Variants in RBFOX1 observed in about 807,000 individuals in gnomAD.
RBFOX1 encodes the protein RNA binding fox-1 homolog 1, also known as RNA binding protein fox-1 homolog 1.
In RBFOX1, 8 loss-of-function variants were observed where a neutral mutation model predicts 57.7. The ratio of observed to expected loss-of-function variants is 0.14; its 90% CI spans 0.08 to 0.25. The LOEUF is 0.25. RBFOX1 is among the 10% of genes least tolerant of loss of function. RBFOX1 has a pLI of 1.00. For missense variants in RBFOX1, 611 were observed against 548.5 expected (o/e 1.11, Z -1.14); for synonymous variants, 326 against 222.4 (o/e 1.47, Z -4.15).
Position 6,932,696 on chromosome 16 carries a change from T to A in RBFOX1, c.-15-119361T>A, listed in dbSNP as rs146061471. Among the ~76,000 whole-genome samples the A allele has an allele frequency of 4.7e-3, 713 of 152,298 alleles. 8 individuals are homozygous for A. The highest frequency in any genetic ancestry group is 0.017 in the African/African-American group (691 of 41,560). ...AAGTGCTCAAACACATGTCTCTACT[T>A]TCACTAATCTCTTTCTGTTAAATTT... is the stretch of plus-strand genomic sequence containing the variant. On this transcript the variant is annotated intron_variant, in intron 3 of 15. Transcript: ENST00000550418.
Position 5,946,566 on chromosome 16 carries a change from T to C in RBFOX1, c.351+79231T>C, listed in dbSNP as rs983333710. The stretch of plus-strand genomic sequence containing the variant: ...CACTCTATGCATATTTTTTTCCAAC[T>C]GGGTGTTCCTGAGTTATATCCTTTA... On this transcript the variant is annotated intron_variant, in intron 4 of 19. Coordinates refer to the RBFOX1 transcript ENST00000641259. The surrounding 1 kb of genome is among the most constrained non-coding windows in gnomAD (Gnocchi z 4.6). Among the ~76,000 whole-genome samples the C allele has an allele frequency of 6.6e-6, 1 of 152,130 alleles. No individual in the cohort carries two copies. Among genetic ancestry groups the C allele is most frequent in the Non-Finnish European group, 1.5e-5 (1 of 68,014 alleles).
chr16:6,679,709 C>G (rs2058324850), intron 3 of RBFOX1, among the ~76,000 whole-genome samples: 2 of 152,174 alleles, frequency 1.3e-5, no homozygotes, highest in East Asian at 1.9e-4. Flanking sequence ...TACAAGAGTA[C>G]TTGAGTGAGT....
At chr16:6,392,722 A>G (rs913003368) in intron 2 of RBFOX1, among the ~76,000 whole-genome samples, 1 of 152,210 alleles carries the variant, frequency 6.6e-6, no homozygotes, top group African/African-American at 2.4e-5. Flanking sequence ...CCAGATTGGG[A>G]CCTTGAGAAC....
Position 6,674,588 on chromosome 16 carries a change from T to C in RBFOX1, c.-16+19938T>C, listed in dbSNP as rs142627774. On this transcript the variant is annotated intron_variant, in intron 3 of 15. Coordinates refer to ENST00000550418, the MANE Select transcript of RBFOX1 (RefSeq NM_018723.4). ...CCACCCACCTCAGCCTCCCAAAGTG[T>C]TGGAATTACAGGCGTGAGCCACCGT... 5.3e-5 allele frequency among the ~76,000 whole-genome samples: 8 copies of C among 151,908 alleles called. No individual in the cohort carries two copies. In the East Asian group the frequency reaches 1.6e-3, roughly 30 times the overall value.
chr16:6,112,691 C>G (rs1375814350), intron 1 of RBFOX1, among the ~76,000 whole-genome samples: 1 of 151,960 alleles, frequency 6.6e-6, no homozygotes, highest in Non-Finnish European at 1.5e-5. Context: ...AACTCCGTCT[C>G]AAAAAAACAC....
intron 3 of RBFOX1, among the ~76,000 whole-genome samples, chr16:6,749,461 G>A (rs1209689565): frequency 1.3e-5 from 2 of 152,120 alleles, no homozygotes; most frequent in Non-Finnish European, 2.9e-5. Flanking sequence ...ATAACCGTCC[G>A]GGGAGGTAGG....
At position 5,962,447 on chromosome 16, in the gene RBFOX1, G is replaced by T. The variant is rs960297359; in HGVS notation, c.351+95112G>T. Among the ~76,000 whole-genome samples, 5 of 152,250 alleles carry T rather than the reference G, an allele frequency of 3.3e-5. No homozygotes were observed. The East Asian group carries it at 9.6e-4, about 29-fold the overall frequency. On this transcript the variant is annotated intron_variant, in intron 4 of 19. Transcript: ENST00000641259. Reference sequence around the variant, plus strand: ...TGAATTCCATTTTCTGCTAAAAAATGCCTGCCTCCTTTCCCATTATGTGGC... The same window carrying T: ...TGAATTCCATTTTCTGCTAAAAAATTCCTGCCTCCTTTCCCATTATGTGGC...
At chr16:6,756,479 C>T (rs939821114) in intron 3 of RBFOX1, among the ~76,000 whole-genome samples, 1 of 152,054 alleles carries the variant, frequency 6.6e-6, no homozygotes, top group South Asian at 2.1e-4. Flanking sequence ...CTATATTAGA[C>T]TAAACAGCTT....
chr16:7,581,943 C>T (rs1025770137), intron 6 of RBFOX1, among the ~76,000 whole-genome samples: 1 of 151,966 alleles, frequency 6.6e-6, no homozygotes, highest in African/African-American at 2.4e-5. Flanking sequence ...TCACAAATTC[C>T]TGGCCTCAAG....
chr16:6,244,470 G>T (rs1193290831), intron 1 of RBFOX1, among the ~76,000 whole-genome samples: 1 of 152,036 alleles, frequency 6.6e-6, no homozygotes, highest in Admixed American at 6.6e-5. Context: ...TTTACAGTTG[G>T]GTATCCAAGT....
At chr16:6,194,120 C>T (rs954954073) in intron 1 of RBFOX1, among the ~76,000 whole-genome samples, 3 of 152,078 alleles carry the variant, frequency 2.0e-5, no homozygotes. Flanking sequence ...CATTTCATAC[C>T]GTTCCTTCCC....
intron 4 of RBFOX1, among the ~76,000 whole-genome samples, chr16:5,871,914 A>T (rs2057483806): frequency 6.6e-6 from 1 of 152,146 alleles, no homozygotes; most frequent in African/African-American, 2.4e-5. Context: ...CTGCTATCCC[A>T]AATAATTGCA....
chr16:6,219,844 C>G (rs1327885364), intron 1 of RBFOX1, among the ~76,000 whole-genome samples: 1 of 152,062 alleles, frequency 6.6e-6, no homozygotes, highest in Non-Finnish European at 1.5e-5. Context: ...CTATCGTGCT[C>G]CAGATTGGGC....
At chr16:6,062,126 G>C (rs1271304602) in intron 1 of RBFOX1, among the ~76,000 whole-genome samples, 2 of 152,184 alleles carry the variant, frequency 1.3e-5, no homozygotes, top group Non-Finnish European at 2.9e-5. Context: ...CTGAGCATGT[G>C]GATAGGCGTG....
intron 3 of RBFOX1, among the ~76,000 whole-genome samples, chr16:5,709,123 C>G (rs1051883723): frequency 6.6e-6 from 1 of 152,168 alleles, no homozygotes; most frequent in Non-Finnish European, 1.5e-5. Flanking sequence ...GTTTCTGTCT[C>G]TTGCAATCCA....
intron 1 of RBFOX1, among the ~76,000 whole-genome samples, chr16:5,248,067 C>G (rs1373700032): frequency 1.3e-5 from 2 of 152,164 alleles, no homozygotes; most frequent in Non-Finnish European, 2.9e-5. Flanking sequence ...GGTCTCCAGG[C>G]AAGGGCTTGG....
At chr16:6,323,384 G>C (rs911336142) in intron 2 of RBFOX1, among the ~76,000 whole-genome samples, 8 of 152,258 alleles carry the variant, frequency 5.3e-5, no homozygotes, top group Non-Finnish European at 1.0e-4. Context: ...TGCACAATCT[G>C]TCTTCCCCAC....
chr16:7,347,474 TCCCACCA>T (rs2097034510), intron 4 of RBFOX1, among the ~76,000 whole-genome samples: 1 of 152,164 alleles, frequency 6.6e-6, no homozygotes, highest in Non-Finnish European at 1.5e-5. Flanking sequence ...TTCAGTCATT[TCCCACCA>T]GGTTCCTGTC....
chr16:7,329,252 C>T (rs1292186344), intron 4 of RBFOX1, among the ~76,000 whole-genome samples: 1 of 152,168 alleles, frequency 6.6e-6, no homozygotes, highest in Non-Finnish European at 1.5e-5. Flanking sequence ...CCGTATGTTT[C>T]AGGGATCTGC....
Sources: gnomAD v4.1 joint callset for allele counts (sites outside exome capture counted in the v4.1 genomes callset) on GRCh38, gnomAD v4.1.1 for gene constraint, Gnocchi (gnomAD v3.1) non-coding constraint, MANE v1.5 for transcripts, NCBI Gene and HGNC (gene_info 2026-07-23, HGNC 2026-07-21) for gene names.